DYSF: variants seen among roughly 807,000 people sequenced by gnomAD.
DYSF encodes dysferlin.
DYSF carries 212 observed loss-of-function variants against 274.9 expected under a neutral mutation model. The observed-to-expected ratio is 0.77, with a 90% CI of 0.69 to 0.86. DYSF has a LOEUF of 0.86. Ranked by LOEUF, DYSF falls within the 40% of genes least tolerant of loss-of-function variation. The probability of loss-of-function intolerance (pLI) is 0.00; values close to 1 mark genes in which losing one functional copy is unlikely to be tolerated. For missense variants in DYSF, 2,666 were observed against 2,783.2 expected (o/e 0.96, Z 0.95); for synonymous variants, 1,091 against 1,078.7 (o/e 1.01, Z -0.22).
intron 41 of DYSF, among the ~76,000 whole-genome samples, chr2:71,639,544 A>G (rs1237683410): frequency 6.6e-6 from 1 of 152,100 alleles, no homozygotes; most frequent in South Asian, 2.1e-4. Flanking sequence ...GTAACTTTTC[A>G]TGTCAGTAAA....
At chr2:71,540,398 T>C (rs7421560) in intron 17 of DYSF, among the ~76,000 whole-genome samples, 101,009 of 151,868 alleles carry the variant, frequency 0.67, 34,428 homozygotes, top group Middle Eastern at 0.77. Flanking sequence ...CATGAGTCAC[T>C]GCACCCAGCC....
intron 1 of DYSF, among the ~76,000 whole-genome samples, chr2:71,472,734 T>A (rs926961139): frequency 6.6e-5 from 10 of 152,238 alleles, no homozygotes; most frequent in African/African-American, 2.2e-4. Context: ...AAATAGTATT[T>A]GTGATACTTC....
intron 13 of DYSF, 72 bp downstream of exon 13, chr2:71,526,418 T>TGGTG: frequency 3.8e-6 from 1 of 261,504 alleles, no homozygotes; most frequent in Non-Finnish European, 7.0e-6. Flanking sequence ...GGGTGGGCGA[T>TGGTG]GGCGGGCGGG....
At chr2:71,634,942 G>A (rs900571270) in intron 41 of DYSF, among the ~76,000 whole-genome samples, 1 of 152,154 alleles carries the variant, frequency 6.6e-6, no homozygotes, top group Non-Finnish European at 1.5e-5. Context: ...GCCCTACAGG[G>A]AGTGGGGCAC....
rs923920155 is a variant in DYSF, at chr2:71,612,737, A to G, written c.4318A>G (p.Ile1440Val). 6.2e-7 allele frequency: 1 copy of G among 1,614,100 alleles called. No homozygotes were observed. The highest frequency in any genetic ancestry group is 1.1e-5 in the South Asian group (1 of 91,086). Residue 1440 changes from isoleucine to valine, a missense_variant, in exon 39 of 56, where the codon ATC becomes GTC. Ile to Val is a conservative substitution (Grantham distance 29, BLOSUM62 3). Transcript: ENST00000410020. The part of the protein sequence containing the change: ...GRRPVVGQCT[I>V]RSLESFLCDP... ...CCGGCCTGTGGTGGGCCAGTGTACC[A>G]TCCGCTCCCTGGAGAGCTTCCTGTG... is the stretch of plus-strand genomic sequence containing the variant.
intron 30 of DYSF, among the ~76,000 whole-genome samples, chr2:71,584,654 C>T (rs567277978): frequency 3.9e-5 from 6 of 152,280 alleles, no homozygotes; most frequent in South Asian, 2.1e-4. Context: ...CTTCATTGGA[C>T]GCCCACTACA....
chr2:71,568,941 C>T (rs376950761), intron 26 of DYSF, among the ~76,000 whole-genome samples: 10 of 151,586 alleles, frequency 6.6e-5, no homozygotes, highest in African/African-American at 2.2e-4. Flanking sequence ...GGCGCGATCT[C>T]GGCTCACTGC....
chr2:71,613,160 G>T (rs1483348898), intron 39 of DYSF, among the ~76,000 whole-genome samples, 174 bp from the exon 40 acceptor site: 3 of 152,126 alleles, frequency 2.0e-5, no homozygotes, highest in Admixed American at 6.5e-5. Flanking sequence ...GAGGATGGGA[G>T]AGATGGAGAT....
intron 3 of DYSF, among the ~76,000 whole-genome samples, chr2:71,499,933 A>G (rs948464180): frequency 8.5e-5 from 13 of 152,146 alleles, no homozygotes; most frequent in Non-Finnish European, 1.9e-4. Flanking sequence ...GGCCCTGTGC[A>G]GGACCCCTGG....
intron 3 of DYSF, among the ~76,000 whole-genome samples, chr2:71,493,336 A>G (rs896176821): frequency 2.0e-5 from 3 of 152,170 alleles, no homozygotes; most frequent in African/African-American, 7.2e-5. Flanking sequence ...TCATGTTTCT[A>G]TAGCCTCCTT....
intron 1 of DYSF, 36 bp from the exon 2 acceptor site, chr2:71,480,847 T>A (rs989435668): frequency 1.3e-6 from 2 of 1,597,458 alleles, no homozygotes; most frequent in African/African-American, 2.7e-5. Context: ...AAAGGCGGGA[T>A]GTGTCTCTCC....
At chr2:71,669,824 C>A (rs975339252) in intron 51 of DYSF, 78 bp downstream of exon 51, 10 of 1,591,748 alleles carry the variant, frequency 6.3e-6, no homozygotes, top group African/African-American at 1.3e-5. Flanking sequence ...CACGTCCCTG[C>A]CTGGCAACTG....
intron 12 of DYSF, among the ~76,000 whole-genome samples, chr2:71,522,420 A>T (rs1387889373): frequency 5.3e-5 from 8 of 152,038 alleles, no homozygotes; most frequent in Admixed American, 3.9e-4. Context: ...CCACTGCTCC[A>T]TAGCGTTCGA....
chr2:71,655,589 A>G (rs77907829), intron 42 of DYSF, among the ~76,000 whole-genome samples: 3,102 of 152,346 alleles, frequency 0.02, 104 homozygotes, highest in African/African-American at 0.071. Flanking sequence ...AAGTAAATGA[A>G]TTGAGCTAAC....
intron 52 of DYSF, 21 bp downstream of exon 52, chr2:71,674,317 C>G (rs1284452182): frequency 4.4e-6 from 7 of 1,608,176 alleles, no homozygotes; most frequent in Non-Finnish European, 6.0e-6. Flanking sequence ...TTGCTAGAAT[C>G]CCATTCTGCA....
intron 36 of DYSF, among the ~76,000 whole-genome samples, chr2:71,608,064 T>A (rs1377479311): frequency 6.6e-6 from 1 of 151,866 alleles, no homozygotes; most frequent in African/African-American, 2.4e-5. Flanking sequence ...GCTGGCCAGA[T>A]GCTGCTGAGG....
chr2:71,485,588 G>A (rs2083296168), intron 3 of DYSF, among the ~76,000 whole-genome samples: 1 of 152,046 alleles, frequency 6.6e-6, no homozygotes, highest in Non-Finnish European at 1.5e-5. Flanking sequence ...CTCAGGGGAG[G>A]GAGCACAGGT....
intron 42 of DYSF, among the ~76,000 whole-genome samples, chr2:71,644,811 CCAGT>C (rs2094542912): frequency 6.6e-6 from 1 of 152,156 alleles, no homozygotes; most frequent in Admixed American, 6.5e-5. Flanking sequence ...TTCAGGATGC[CCAGT>C]CACATTTGAA....
intron 22 of DYSF, among the ~76,000 whole-genome samples, chr2:71,559,145 C>A (rs1325447155): frequency 6.6e-6 from 1 of 152,194 alleles, no homozygotes; most frequent in Non-Finnish European, 1.5e-5. Flanking sequence ...TCCTCCAGCC[C>A]AGCCCTCTTC....
Sources: allele counts gnomAD v4.1 joint callset (sites outside exome capture counted in the v4.1 genomes callset), GRCh38; gene constraint gnomAD v4.1.1; transcripts MANE v1.5; gene names NCBI Gene and HGNC (gene_info 2026-07-23, HGNC 2026-07-21).